The following GPM6A variants were observed in gnomAD, a reference collection of about 807,000 sequenced individuals.
The protein encoded by GPM6A is glycoprotein M6A.
GPM6A carries 7 observed loss-of-function variants against 32.1 expected under a neutral mutation model. The observed-to-expected ratio is 0.22, with a 90% CI of 0.12 to 0.41. The LOEUF (loss-of-function observed/expected upper bound fraction) is 0.41. Among genes scored for constraint, GPM6A ranks in the 10% least tolerant of loss-of-function variants. GPM6A has a pLI of 1.00. For missense variants in GPM6A, 235 were observed against 347.2 expected (o/e 0.68, Z 2.57); for synonymous variants, 130 against 123.4 (o/e 1.05, Z -0.35).
chr4:175,663,512 G>A (rs1302397137), intron 3 of GPM6A, among the ~76,000 whole-genome samples: 2 of 152,126 alleles, frequency 1.3e-5, no homozygotes, highest in Non-Finnish European at 2.9e-5. Context: ...AAATGGTTAA[G>A]AGAGTAGGTT....
chr4:175,766,700 G>T (rs970059206), intron 1 of GPM6A, among the ~76,000 whole-genome samples: 2 of 147,244 alleles, frequency 1.4e-5, no homozygotes, highest in East Asian at 2.0e-4. Context: ...TGTCACCCAG[G>T]CTGGAGTGCA....
At chr4:175,638,427 A>C (rs1205812820) in intron 6 of GPM6A, among the ~76,000 whole-genome samples, 1 of 152,084 alleles carries the variant, frequency 6.6e-6, no homozygotes, top group East Asian at 1.9e-4. Context: ...AATAATGCTT[A>C]GTACTTGAAA....
chr4:175,995,934 T>C (rs7681853), intron 1 of GPM6A, among the ~76,000 whole-genome samples: 31,105 of 147,456 alleles, frequency 0.21, 3,314 homozygotes, highest in African/African-American at 0.23. Flanking sequence ...CTCATTGGGA[T>C]GTGGCTTTGT....
intron 1 of GPM6A, among the ~76,000 whole-genome samples, chr4:175,854,592 G>A (rs1215441574): frequency 6.6e-6 from 1 of 152,152 alleles, no homozygotes; most frequent in Non-Finnish European, 1.5e-5. Flanking sequence ...CAAATGAAAT[G>A]AGCCCTATAA....
intron 3 of GPM6A, among the ~76,000 whole-genome samples, chr4:175,654,846 T>C (rs541345774): frequency 2.5e-4 from 38 of 152,272 alleles, no homozygotes; most frequent in African/African-American, 8.9e-4. Context: ...CACATTGCTT[T>C]GGAGGACTAA....
intron 6 of GPM6A, among the ~76,000 whole-genome samples, chr4:175,638,895 T>G (rs983401803): frequency 2.0e-5 from 3 of 152,172 alleles, no homozygotes; most frequent in African/African-American, 7.2e-5. Context: ...TGGCCAGAAC[T>G]TGCTGATTCT....
chr4:175,991,993 A>G (rs947175912), intron 1 of GPM6A, among the ~76,000 whole-genome samples: 2 of 151,922 alleles, frequency 1.3e-5, no homozygotes, highest in Non-Finnish European at 2.9e-5. Context: ...TTGCACTCAC[A>G]TATATAAAAA....
chr4:175,773,410 C>T (rs2111236956), intron 1 of GPM6A, among the ~76,000 whole-genome samples: 1 of 152,138 alleles, frequency 6.6e-6, no homozygotes, highest in Non-Finnish European at 1.5e-5. Flanking sequence ...ACCTAATTGG[C>T]ATAGATTGGT....
At chr4:175,899,771 CA>C (rs34037910) in intron 1 of GPM6A, among the ~76,000 whole-genome samples, 8 of 150,696 alleles carry the variant, frequency 5.3e-5, no homozygotes, top group South Asian at 2.1e-4. Flanking sequence ...GAATCTACCA[CA>C]AAAAAAAATG....
At chr4:175,727,776 G>T (rs1731242569) in intron 1 of GPM6A, among the ~76,000 whole-genome samples, 1 of 152,100 alleles carries the variant, frequency 6.6e-6, no homozygotes, top group African/African-American at 2.4e-5. Context: ...GGCCTAGGTG[G>T]GTGGATCACC....
chr4:175,707,995 A>G (rs1276796053), intron 1 of GPM6A, among the ~76,000 whole-genome samples: 1 of 152,176 alleles, frequency 6.6e-6, no homozygotes, highest in Admixed American at 6.5e-5. Flanking sequence ...TACATCACTA[A>G]ATTTGTCATG....
At chr4:175,955,051 G>C (rs1370939496) in intron 1 of GPM6A, among the ~76,000 whole-genome samples, 4 of 152,238 alleles carry the variant, frequency 2.6e-5, no homozygotes, top group Non-Finnish European at 4.4e-5. Context: ...GTCCTGAGAA[G>C]TAGAGATGAA....
chr4:175,788,855 A>C (rs1733901420), intron 1 of GPM6A, among the ~76,000 whole-genome samples: 2 of 152,198 alleles, frequency 1.3e-5, no homozygotes, highest in African/African-American at 4.8e-5. Flanking sequence ...AATTTAAGCA[A>C]ACAAAAACTG....
chr4:175,693,339 G>T (rs1744402797), intron 2 of GPM6A, among the ~76,000 whole-genome samples: 1 of 149,084 alleles, frequency 6.7e-6, no homozygotes, highest in African/African-American at 2.4e-5. Flanking sequence ...TTGGAAACAG[G>T]AGTATTATAG....
At chr4:175,875,573 T>A (rs1737056137) in intron 1 of GPM6A, among the ~76,000 whole-genome samples, 1 of 152,190 alleles carries the variant, frequency 6.6e-6, no homozygotes, top group Non-Finnish European at 1.5e-5. Context: ...TTTCCACATT[T>A]TACTTTTTTA....
intron 1 of GPM6A, among the ~76,000 whole-genome samples, chr4:175,944,532 T>A (rs541876683): frequency 6.6e-6 from 1 of 152,216 alleles, no homozygotes; most frequent in Admixed American, 6.5e-5. Context: ...TCCTTGAACA[T>A]ATACACACAC....
chr4:175,961,142 C>A (rs1376862783), intron 1 of GPM6A: 1 of 152,150 alleles, frequency 6.6e-6, no homozygotes, highest in African/African-American at 2.4e-5. Context: ...ACATTATTAT[C>A]TGGTTATCAC....
chr4:175,903,371 A>C (rs1021772879), intron 1 of GPM6A, among the ~76,000 whole-genome samples: 2 of 152,182 alleles, frequency 1.3e-5, no homozygotes, highest in Non-Finnish European at 2.9e-5. Context: ...GTAAATATAG[A>C]GGGAATGATG....
chr4:175,790,915 C>T (rs1044066913), intron 1 of GPM6A, among the ~76,000 whole-genome samples: 1 of 151,964 alleles, frequency 6.6e-6, no homozygotes, highest in Non-Finnish European at 1.5e-5. Flanking sequence ...ATATAACATA[C>T]AAAATGTTTT....
Sources: allele counts gnomAD v4.1 joint callset (sites outside exome capture counted in the v4.1 genomes callset), GRCh38; gene constraint gnomAD v4.1.1; transcripts MANE v1.5; gene names NCBI Gene and HGNC (gene_info 2026-07-23, HGNC 2026-07-21).